The following ANTXR1 variants were observed in gnomAD, a reference collection of about 807,000 sequenced individuals.
ANTXR1 encodes anthrax toxin receptor 1.
Under a neutral mutation model 78.1 loss-of-function variants are expected in ANTXR1, and 19 were observed. The observed-to-expected ratio is 0.24, with a 90% CI of 0.17 to 0.36. The LOEUF is 0.36. Ranked by LOEUF, ANTXR1 falls within the 10% of genes least tolerant of loss-of-function variation. The pLI is 1.00. For synonymous variants in ANTXR1, 273 were observed against 260.5 expected, an observed-to-expected ratio of 1.05 and a Z score of -0.46; for missense variants, 518 against 718.6, an observed-to-expected ratio of 0.72 and a Z score of 3.19.
chr2:69,245,119 C>G (rs1675984325), intron 17 of ANTXR1, 106 bp from the exon 18 acceptor site: 3 of 1,343,190 alleles, frequency 2.2e-6, no homozygotes, highest in African/African-American at 1.4e-5. Flanking sequence ...TTGTCACCAA[C>G]AGGGGCCAGC....
chr2:69,036,311 C>A (rs759517411), intron 1 of ANTXR1, among the ~76,000 whole-genome samples: 1 of 152,140 alleles, frequency 6.6e-6, no homozygotes, highest in Non-Finnish European at 1.5e-5. Context: ...GAAATAAGCA[C>A]ATCATGTAAA....
At chr2:69,189,603 T>C (rs560226869) in intron 16 of ANTXR1, among the ~76,000 whole-genome samples, 2 of 152,260 alleles carry the variant, frequency 1.3e-5, no homozygotes, top group South Asian at 4.1e-4. Flanking sequence ...TGACAGATGA[T>C]GAGGGCCTGG....
At position 69,146,970 on chromosome 2, in the gene ANTXR1, C is replaced by T. The variant is rs148368914; in HGVS notation, c.952-5199C>T. Among the ~76,000 whole-genome samples, 39 of 152,334 alleles carry T rather than the reference C, an allele frequency of 2.6e-4. 1 individual carries two copies. The East Asian group carries it at 6.6e-3, about 26-fold the overall frequency. Reference sequence around the variant, plus strand: ...GTCCCGACCCTCCTGGGGTGCAATCCGGGAAGGAGATCTTGGAAGCAGGTG... The same window carrying T: ...GTCCCGACCCTCCTGGGGTGCAATCTGGGAAGGAGATCTTGGAAGCAGGTG... On this transcript the variant is annotated intron_variant, in intron 12 of 17. Coordinates refer to ENST00000303714, the MANE Select transcript of ANTXR1 (RefSeq NM_032208.3).
chr2:69,013,576 C>G lies in ANTXR1; in HGVS notation c.77C>G (p.Ala26Gly). 1 of 1,571,142 alleles carries G rather than the reference C, an allele frequency of 6.4e-7. No individual in the cohort carries two copies. The highest frequency in any genetic ancestry group is 8.6e-7 in the Non-Finnish European group (1 of 1,157,910). Residue 26 changes from alanine (A) to glycine (G), a missense_variant, in exon 1 of 18, where the codon GCC (alanine) becomes GGC (glycine). By Grantham distance (60) the Ala-to-Gly change is moderately conservative. Coordinates refer to ENST00000303714, the MANE Select transcript of ANTXR1 (RefSeq NM_032208.3). The surrounding 1 kb of genome is among the most constrained non-coding windows in gnomAD (Gnocchi z 5.0). ...TTGGCCACTCTGGTGCTCATCTGCG[C>G]CGGGCAAGGGGGACGCAGGGAGGAT... ...LSLATLVLIC[A>G]GQGGRREDGG...
intron 17 of ANTXR1, among the ~76,000 whole-genome samples, chr2:69,197,762 G>A (rs1674697380): frequency 6.6e-6 from 1 of 152,124 alleles, no homozygotes. Context: ...GCACAGCTTG[G>A]CCACTCTTTG....
intron 17 of ANTXR1, among the ~76,000 whole-genome samples, chr2:69,197,894 C>T (rs1054524177): frequency 2.6e-5 from 4 of 152,182 alleles, no homozygotes; most frequent in Non-Finnish European, 4.4e-5. Flanking sequence ...GATGATATGG[C>T]GTGTCATTCC....
At chr2:69,194,682 ATCTCT>A in intron 17 of ANTXR1, among the ~76,000 whole-genome samples, 1 of 151,770 alleles carries the variant, frequency 6.6e-6, no homozygotes, top group East Asian at 1.9e-4. Flanking sequence ...GTTAAACCCC[ATCTCT>A]ACTAAAAATA....
At chr2:69,230,535 T>C (rs1387868480) in intron 17 of ANTXR1, among the ~76,000 whole-genome samples, 1 of 152,130 alleles carries the variant, frequency 6.6e-6, no homozygotes, top group Non-Finnish European at 1.5e-5. Context: ...GTTTCCTCTG[T>C]GTCCAAGTAT....
intron 10 of ANTXR1, among the ~76,000 whole-genome samples, chr2:69,105,243 C>T (rs1302793409): frequency 6.6e-6 from 1 of 152,172 alleles, no homozygotes; most frequent in Non-Finnish European, 1.5e-5. Flanking sequence ...TATATAGTTG[C>T]AAACATATGC....
intron 17 of ANTXR1, among the ~76,000 whole-genome samples, chr2:69,230,113 G>C (rs1444017774): frequency 6.6e-6 from 1 of 151,384 alleles, no homozygotes; most frequent in East Asian, 2.0e-4. Context: ...TCCCTGTTTA[G>C]TGACAGCACT....
At chr2:69,204,500 T>A (rs1187371894) in intron 17 of ANTXR1, among the ~76,000 whole-genome samples, 2 of 152,194 alleles carry the variant, frequency 1.3e-5, no homozygotes, top group East Asian at 1.9e-4. Context: ...AGGTCCATTA[T>A]CTTATCTGTT....
intron 8 of ANTXR1, among the ~76,000 whole-genome samples, chr2:69,081,715 G>A (rs975624176): frequency 2.6e-4 from 40 of 152,200 alleles, no homozygotes; most frequent in Admixed American, 2.5e-3. Context: ...GGAAAGCAGG[G>A]TTAGAACCCA....
chr2:69,168,318 A>G (rs13429910), intron 13 of ANTXR1, among the ~76,000 whole-genome samples: 1 of 152,018 alleles, frequency 6.6e-6, no homozygotes, highest in Non-Finnish European at 1.5e-5. Flanking sequence ...GCTCATGATG[A>G]CTCAGTTTCT....
intron 13 of ANTXR1, among the ~76,000 whole-genome samples, chr2:69,157,670 A>G (rs868642450): frequency 2.6e-5 from 4 of 151,720 alleles, no homozygotes; most frequent in African/African-American, 9.7e-5. Context: ...CACACCTTCT[A>G]CTCCAGCACA....
chr2:69,116,127 A>G (rs185282844), intron 10 of ANTXR1, among the ~76,000 whole-genome samples: 4 of 152,322 alleles, frequency 2.6e-5, no homozygotes, highest in African/African-American at 9.6e-5. Flanking sequence ...AATGTCTTCT[A>G]TCAAAAGCTT....
At chr2:69,155,326 G>A (rs1673493843) in intron 13 of ANTXR1, among the ~76,000 whole-genome samples, 1 of 152,142 alleles carries the variant, frequency 6.6e-6, no homozygotes, top group Admixed American at 6.5e-5. Flanking sequence ...CTATTCATTG[G>A]CACAAAACAC....
At chr2:69,228,999 T>C (rs1675528205) in intron 17 of ANTXR1, among the ~76,000 whole-genome samples, 1 of 152,152 alleles carries the variant, frequency 6.6e-6, no homozygotes, top group African/African-American at 2.4e-5. Context: ...TGTGCTCACA[T>C]AGCCATTTCT....
At chr2:69,094,814 T>C (rs956564153) in intron 9 of ANTXR1, among the ~76,000 whole-genome samples, 1 of 152,248 alleles carries the variant, frequency 6.6e-6, no homozygotes, top group Non-Finnish European at 1.5e-5. Context: ...AGGTGTAATT[T>C]AATGGGACAA....
At chr2:69,133,183 G>A (rs927597679) in intron 12 of ANTXR1, among the ~76,000 whole-genome samples, 1 of 152,156 alleles carries the variant, frequency 6.6e-6, no homozygotes, top group Non-Finnish European at 1.5e-5. Flanking sequence ...GATTAGCTCA[G>A]TCCCAAAACT....
Sources: allele counts gnomAD v4.1 joint callset (sites outside exome capture counted in the v4.1 genomes callset), GRCh38; gene constraint gnomAD v4.1.1; non-coding constraint Gnocchi (gnomAD v3.1); transcripts MANE v1.5; gene names NCBI Gene and HGNC (gene_info 2026-07-23, HGNC 2026-07-21).